LRRC49: variants seen among roughly 807,000 people sequenced by gnomAD.
LRRC49 encodes leucine rich repeat containing 49.
LRRC49 carries 50 observed loss-of-function variants against 83.3 expected under a neutral mutation model. That is an observed-to-expected ratio of 0.60 (90% CI 0.48 to 0.76). The LOEUF (loss-of-function observed/expected upper bound fraction) is 0.76, where lower values mean the gene tolerates loss of function less well. LRRC49 is among the 30% of genes least tolerant of loss of function. LRRC49 has a pLI of 0.00. For missense variants in LRRC49, 704 were observed against 809.1 expected (o/e 0.87, Z 1.58); for synonymous variants, 286 against 283.3 (o/e 1.01, Z -0.10).
intron 8 of LRRC49, among the ~76,000 whole-genome samples, chr15:70,940,948 A>AT (rs2035793300): frequency 6.6e-6 from 1 of 152,138 alleles, no homozygotes; most frequent in African/African-American, 2.4e-5. Context: ...ATTTAATTGC[A>AT]TTTTTCTAAA....
intron 12 of LRRC49, 94 bp downstream of exon 12, chr15:71,008,710 T>G (rs1039007792): frequency 4.4e-5 from 36 of 815,382 alleles, no homozygotes; most frequent in Non-Finnish European, 6.6e-5. Flanking sequence ...ATTTATGTAG[T>G]TTCTATCTGG....
intron 7 of LRRC49, among the ~76,000 whole-genome samples, chr15:70,927,819 T>A (rs950345839): frequency 6.6e-6 from 1 of 152,074 alleles, no homozygotes; most frequent in Non-Finnish European, 1.5e-5. Flanking sequence ...GGCTAATTTT[T>A]TTATTTTTTG....
At chr15:70,978,452 A>G (rs1346395429) in intron 9 of LRRC49, among the ~76,000 whole-genome samples, 1 of 152,192 alleles carries the variant, frequency 6.6e-6, no homozygotes, top group Non-Finnish European at 1.5e-5. Context: ...GGCCAAAGCA[A>G]GTCACATGGC....
chr15:71,000,275 G>A (rs1425870559), intron 11 of LRRC49, among the ~76,000 whole-genome samples: 2 of 152,148 alleles, frequency 1.3e-5, no homozygotes, highest in African/African-American at 2.4e-5. Flanking sequence ...GGAGTGTTTC[G>A]GAGTTCCCTA....
intron 8 of LRRC49, among the ~76,000 whole-genome samples, chr15:70,946,530 G>GC (rs2036014413): frequency 6.6e-6 from 1 of 152,056 alleles, no homozygotes; most frequent in Non-Finnish European, 1.5e-5. Context: ...CTTGGTTATT[G>GC]TGAATAATGC....
chr15:70,878,304 T>C (rs2033194865), intron 2 of LRRC49, among the ~76,000 whole-genome samples: 1 of 152,222 alleles, frequency 6.6e-6, no homozygotes, highest in Non-Finnish European at 1.5e-5. Context: ...ATTTATTGGT[T>C]CTAGTAGCTT....
At chr15:70,920,435 C>G (rs2034965960) in intron 7 of LRRC49, among the ~76,000 whole-genome samples, 1 of 152,182 alleles carries the variant, frequency 6.6e-6, no homozygotes, top group Admixed American at 6.5e-5. Context: ...TGGAACTGGA[C>G]TGTTTATTTA....
At chr15:70,919,784 G>A (rs1045346123) in intron 7 of LRRC49, among the ~76,000 whole-genome samples, 1 of 152,090 alleles carries the variant, frequency 6.6e-6, no homozygotes, top group African/African-American at 2.4e-5. Flanking sequence ...ACTCTAGGGT[G>A]TTTTTTGGTT....
At chr15:70,985,390 G>A (rs1014756070) in intron 11 of LRRC49, among the ~76,000 whole-genome samples, 13 of 152,062 alleles carry the variant, frequency 8.5e-5, no homozygotes, top group Admixed American at 4.6e-4. Context: ...GTGATGATGA[G>A]CATTTTTTCA....
chr15:70,941,271 T>C (rs1596045497), intron 8 of LRRC49, among the ~76,000 whole-genome samples: 1 of 152,184 alleles, frequency 6.6e-6, no homozygotes, highest in African/African-American at 2.4e-5. Flanking sequence ...TGGGTCTAAA[T>C]TTATTTTATT....
rs775721974 is a variant in LRRC49 at position 71,012,918 on chromosome 15, C to T, written c.1703+5C>T. ...TTCCATTCTGGGTGATGCCAGGTAA[C>T]CTTTAATTTTTGTAGTTTTTTATAG... On this transcript the variant is annotated splice_donor_5th_base_variant and intron_variant, in intron 14 of 15. Coordinates refer to ENST00000260382, the MANE Select transcript of LRRC49 (RefSeq NM_017691.5). 1.3e-6 allele frequency: 2 copies of T among 1,582,532 alleles called. No individual in the cohort carries two copies. The highest frequency in any genetic ancestry group is 3.5e-5 in the Admixed American group (2 of 56,460).
chr15:71,049,368 T>G, intron 15 of LRRC49, 41 bp from the exon 16 acceptor site: 1 of 1,296,522 alleles, frequency 7.7e-7, no homozygotes, highest in Non-Finnish European at 1.1e-6. Context: ...ACTTTTGGAT[T>G]AGTTATGATT....
chr15:70,859,436 A>G (rs769146499), intron 1 of LRRC49: 2 of 732,788 alleles, frequency 2.7e-6, no homozygotes, highest in South Asian at 2.8e-5. Context: ...CATCTCGGAC[A>G]TATCTGTGGT....
intron 9 of LRRC49, among the ~76,000 whole-genome samples, chr15:70,969,610 C>T (rs529238945): frequency 6.4e-4 from 97 of 152,022 alleles, no homozygotes; most frequent in Non-Finnish European, 9.4e-4. Flanking sequence ...TTCCTATCCA[C>T]GAGCATAGAA....
At chr15:71,018,356 A>G (rs1215349015) in intron 14 of LRRC49, among the ~76,000 whole-genome samples, 1 of 152,278 alleles carries the variant, frequency 6.6e-6, no homozygotes, top group Admixed American at 6.5e-5. Context: ...TTTAATCTGT[A>G]TAAGATTAGG....
At chr15:70,873,148 G>T (rs1390994040) in exon 2 of LRRC49, 7 of 1,461,916 alleles carry the variant, frequency 4.8e-6, no homozygotes. Context: ...GCCTCCCAAA[G>T]TGTTGGGATT....
intron 9 of LRRC49, among the ~76,000 whole-genome samples, chr15:70,972,214 A>G (rs1430312854): frequency 6.6e-6 from 1 of 152,134 alleles, no homozygotes; most frequent in Non-Finnish European, 1.5e-5. Flanking sequence ...GCTTGTCTGT[A>G]AAGTATTTTA....
chr15:70,911,056 G>A (rs1172442288), intron 5 of LRRC49, among the ~76,000 whole-genome samples: 1 of 152,130 alleles, frequency 6.6e-6, no homozygotes, highest in African/African-American at 2.4e-5. Flanking sequence ...AGAACATTAG[G>A]GGAGTAGGAA....
At chr15:70,933,431 C>T (rs539121778) in intron 7 of LRRC49, among the ~76,000 whole-genome samples, 23 of 152,198 alleles carry the variant, frequency 1.5e-4, no homozygotes, top group African/African-American at 5.1e-4. Flanking sequence ...TAGTTACCTC[C>T]AGAAAGGATA....
Sources: gnomAD v4.1 joint callset for allele counts (sites outside exome capture counted in the v4.1 genomes callset) on GRCh38, gnomAD v4.1.1 for gene constraint, MANE v1.5 for transcripts, NCBI Gene and HGNC (gene_info 2026-07-23, HGNC 2026-07-21) for gene names.